COL8A1: variants seen among roughly 807,000 people sequenced by gnomAD.
COL8A1 encodes the protein collagen alpha-1(VIII) chain.
In COL8A1, 21 loss-of-function variants were observed where a neutral mutation model predicts 42.7. That is an observed-to-expected ratio of 0.49 (90% CI 0.35 to 0.71). The LOEUF (loss-of-function observed/expected upper bound fraction) is 0.71, where lower values mean the gene tolerates loss of function less well. Among genes scored for constraint, COL8A1 ranks in the 30% least tolerant of loss-of-function variants. COL8A1 has a pLI of 0.01. For missense variants in COL8A1, 788 were observed against 962.4 expected (o/e 0.82, Z 2.40); for synonymous variants, 367 against 369.1 (o/e 0.99, Z 0.06).
At position 99,796,724 on chromosome 3, in the gene COL8A1, T is replaced by C. The variant is rs1052079338; in HGVS notation, c.*588T>C. 2 of 152,210 alleles carry C rather than the reference T, an allele frequency of 1.3e-5. No individual in the cohort carries two copies. The highest frequency in any genetic ancestry group is 4.8e-5 in the African/African-American group (2 of 41,436). 9.4% of individuals were successfully genotyped at this position (152,210 alleles called of 1,614,324 possible). ...TCTCTCTTGTATCAGAGGCTGTGTC[T>C]TTTAGTAACAGGAGTCCTCGTCAGA... is the stretch of plus-strand genomic sequence containing the variant. On this transcript the variant is annotated 3_prime_UTR_variant, in exon 4 of 4. Coordinates refer to ENST00000652472, the MANE Select transcript of COL8A1 (RefSeq NM_020351.4).
chr3:99,696,058 C>A (rs1315833605), intron 1 of COL8A1, among the ~76,000 whole-genome samples: 2 of 152,152 alleles, frequency 1.3e-5, no homozygotes, highest in Non-Finnish European at 2.9e-5. Context: ...TGCTTGAAGC[C>A]GGGAGGCAGA....
At chr3:99,655,684 A>C (rs1937996521) in intron 1 of COL8A1, among the ~76,000 whole-genome samples, 1 of 152,260 alleles carries the variant, frequency 6.6e-6, no homozygotes, top group Non-Finnish European at 1.5e-5. Context: ...TGAGGACAAA[A>C]AGTAAATCAA....
At chr3:99,737,479 C>T (rs1195471916) in intron 1 of COL8A1, among the ~76,000 whole-genome samples, 1 of 151,980 alleles carries the variant, frequency 6.6e-6, no homozygotes, top group South Asian at 2.1e-4. Flanking sequence ...TTCTCCTTCA[C>T]TTATGAAGCT....
intron 1 of COL8A1, among the ~76,000 whole-genome samples, chr3:99,708,477 G>C (rs1178733811): frequency 6.6e-6 from 1 of 152,132 alleles, no homozygotes; most frequent in African/African-American, 2.4e-5. Context: ...AAAATCACCA[G>C]CTTGAATCAT....
chr3:99,669,146 T>TATATATAGAGAG, intron 1 of COL8A1, among the ~76,000 whole-genome samples: 3 of 115,364 alleles, frequency 2.6e-5, no homozygotes, highest in African/African-American at 6.1e-5. Flanking sequence ...TATATATATA[T>TATATATAGAGAG]AGAGGGAGAG....
intron 2 of COL8A1, among the ~76,000 whole-genome samples, chr3:99,769,703 G>A (rs868219716): frequency 4.6e-5 from 7 of 152,156 alleles, no homozygotes; most frequent in Non-Finnish European, 8.8e-5. Context: ...GGTGGATCAC[G>A]AGGTCAGGAG....
intron 1 of COL8A1, among the ~76,000 whole-genome samples, chr3:99,727,093 C>A (rs1041383460): frequency 6.6e-6 from 1 of 152,064 alleles, no homozygotes; most frequent in African/African-American, 2.4e-5. Context: ...TTTCATTGAG[C>A]AGTGGTTTGT....
intron 1 of COL8A1, among the ~76,000 whole-genome samples, chr3:99,652,035 G>A (rs1937863604): frequency 1.3e-5 from 2 of 152,176 alleles, no homozygotes; most frequent in African/African-American, 4.8e-5. Flanking sequence ...CAATGGTAAA[G>A]ATAGCAATAA....
At chr3:99,749,377 C>T (rs1329683021) in intron 2 of COL8A1, among the ~76,000 whole-genome samples, 1 of 152,152 alleles carries the variant, frequency 6.6e-6, no homozygotes, top group African/African-American at 2.4e-5. Flanking sequence ...ATAACTCAAC[C>T]TATCATGACA....
intron 3 of COL8A1, among the ~76,000 whole-genome samples, chr3:99,792,023 CTG>C (rs904475802): frequency 3.9e-5 from 6 of 152,318 alleles, no homozygotes; most frequent in Admixed American, 2.0e-4. Context: ...GTTCCAGGCT[CTG>C]TGCTAGACAC....
chr3:99,680,062 T>G (rs1431095509), intron 1 of COL8A1: 1 of 152,142 alleles, frequency 6.6e-6, no homozygotes, highest in Non-Finnish European at 1.5e-5. Flanking sequence ...CTGTTACATA[T>G]GTATACATGT....
chr3:99,781,120 C>T (rs1222622444), intron 2 of COL8A1, among the ~76,000 whole-genome samples: 1 of 152,208 alleles, frequency 6.6e-6, no homozygotes, highest in Non-Finnish European at 1.5e-5. Context: ...TTGTTGGGAA[C>T]AGTCCTGTGG....
chr3:99,795,173 A>C lies in COL8A1; in HGVS notation c.1272A>C (p.Pro424=). 1 of 1,613,744 alleles carries C rather than the reference A, an allele frequency of 6.2e-7. No individual in the cohort carries two copies. Among genetic ancestry groups the C allele is most frequent in the Middle Eastern group, 1.7e-4 (1 of 6,054 alleles). The part of the protein sequence containing the change: ...GEGGIVGPQG[P]PGPKGEPGLQ... ...GTGGGATTGTAGGGCCACAGGGGCC[A>C]CCAGGTCCCAAGGGTGAGCCAGGGC... Residue 424 remains proline (P), a synonymous_variant, in exon 4 of 4, where the codon CCA becomes CCC. Coordinates refer to ENST00000652472, the MANE Select transcript of COL8A1 (RefSeq NM_020351.4).
rs562441975 is a variant in COL8A1 at position 99,702,481 on chromosome 3, A to G, written c.-128-42416A>G. Among the ~76,000 whole-genome samples the G allele has an allele frequency of 1.7e-4, 26 of 152,356 alleles. No homozygotes were observed. In the South Asian group the frequency reaches 4.1e-3, roughly 24 times the overall value. ...GGACTGACTAGTGTCCAAAGAGAACATAAATAAAGATAAGTTATCATTTCC... is the reference window on the plus strand; with the variant it reads ...GGACTGACTAGTGTCCAAAGAGAACGTAAATAAAGATAAGTTATCATTTCC... On this transcript the variant is annotated intron_variant, in intron 1 of 3. Coordinates refer to ENST00000652472, the MANE Select transcript of COL8A1 (RefSeq NM_020351.4).
intron 1 of COL8A1, among the ~76,000 whole-genome samples, chr3:99,701,588 G>A (rs1301281831): frequency 6.6e-6 from 1 of 152,182 alleles, no homozygotes; most frequent in Non-Finnish European, 1.5e-5. Context: ...TGAGTGAGAG[G>A]TGTTATCCTC....
intron 1 of COL8A1, among the ~76,000 whole-genome samples, chr3:99,734,943 T>C (rs1356677578): frequency 2.0e-5 from 3 of 149,464 alleles, no homozygotes; most frequent in Non-Finnish European, 3.0e-5. Context: ...ATGATTTGGT[T>C]CTCTGTTTGT....
rs114501392 is a variant in COL8A1 at position 99,774,152 on chromosome 3, C to T, written c.-3-16528C>T. Reference sequence around the variant, plus strand: ...GAGCCACCACGCCCAACCCGATAGACATATATTTTTTAAAAAAGAATTTTC... The same window carrying T: ...GAGCCACCACGCCCAACCCGATAGATATATATTTTTTAAAAAAGAATTTTC... On this transcript the variant is annotated intron_variant, in intron 2 of 3. Coordinates refer to ENST00000652472, the MANE Select transcript of COL8A1 (RefSeq NM_020351.4). 7.5e-3 allele frequency among the ~76,000 whole-genome samples: 1,135 copies of T among 151,146 alleles called. 16 individuals are homozygous for T. The highest frequency in any genetic ancestry group is 0.027 in the Middle Eastern group (8 of 294).
chr3:99,685,220 C>T (rs1256951738), intron 1 of COL8A1, among the ~76,000 whole-genome samples: 1 of 152,136 alleles, frequency 6.6e-6, no homozygotes, highest in Admixed American at 6.5e-5. Context: ...CTTCTTAACA[C>T]TGTCTTACCA....
chr3:99,764,465 C>T (rs1316667050), intron 2 of COL8A1, among the ~76,000 whole-genome samples: 2 of 152,130 alleles, frequency 1.3e-5, no homozygotes, highest in Non-Finnish European at 2.9e-5. Flanking sequence ...GTGTACACCA[C>T]GATCTATTCA....
Sources: allele counts gnomAD v4.1 joint callset (sites outside exome capture counted in the v4.1 genomes callset), GRCh38; gene constraint gnomAD v4.1.1; transcripts MANE v1.5; gene names NCBI Gene and HGNC (gene_info 2026-07-23, HGNC 2026-07-21).